Variants in CHKA observed in about 807,000 individuals in gnomAD.
CHKA encodes choline kinase alpha.
Under a neutral mutation model 60.1 loss-of-function variants are expected in CHKA, and 34 were observed. The observed-to-expected ratio is 0.57, with a 90% CI of 0.43 to 0.75. The LOEUF is 0.75. CHKA is among the 30% of genes least tolerant of loss of function. The pLI, the probability that CHKA is intolerant of heterozygous loss-of-function variation, is 0.00. For synonymous variants in CHKA, 217 were observed against 223.1 expected, an observed-to-expected ratio of 0.97 and a Z score of 0.24; for missense variants, 563 against 561.3, an observed-to-expected ratio of 1.00 and a Z score of -0.03.
chr11:68,108,616 C>T (rs367749535), intron 1 of CHKA, among the ~76,000 whole-genome samples: 11 of 152,026 alleles, frequency 7.2e-5, no homozygotes, highest in South Asian at 4.1e-4. Context: ...TGGTGGCGGG[C>T]GCCTGTAGTC....
intron 2 of CHKA, among the ~76,000 whole-genome samples, chr11:68,088,372 T>C (rs1289063844): frequency 3.3e-5 from 5 of 152,158 alleles, no homozygotes; most frequent in Non-Finnish European, 7.4e-5. Context: ...TTCTTTACTG[T>C]GTAGCCTGTG....
intron 1 of CHKA, among the ~76,000 whole-genome samples, chr11:68,117,855 T>C (rs550092327): frequency 6.6e-6 from 1 of 152,260 alleles, no homozygotes; most frequent in African/African-American, 2.4e-5. Context: ...TGTTCTAGTG[T>C]CTAAGCAAGG....
At chr11:68,085,533 T>C (rs1165766836) in intron 2 of CHKA, among the ~76,000 whole-genome samples, 3 of 152,160 alleles carry the variant, frequency 2.0e-5, no homozygotes, top group Non-Finnish European at 4.4e-5. Flanking sequence ...AAAAAGATTT[T>C]TTGATTGGCC....
intron 9 of CHKA, 113 bp downstream of exon 9, chr11:68,065,673 C>T: frequency 1.4e-6 from 1 of 734,438 alleles, no homozygotes; most frequent in Non-Finnish European, 2.3e-6. Context: ...TGCACTCCAG[C>T]CTGGGAAACA....
intron 1 of CHKA, among the ~76,000 whole-genome samples, chr11:68,119,350 G>C (rs1304269418): frequency 6.6e-6 from 1 of 152,196 alleles, no homozygotes; most frequent in Non-Finnish European, 1.5e-5. Flanking sequence ...GCACAGAAAA[G>C]GAATCAAATG....
chr11:68,101,134 G>A (rs1258590209), intron 1 of CHKA, among the ~76,000 whole-genome samples: 2 of 151,702 alleles, frequency 1.3e-5, no homozygotes, highest in Non-Finnish European at 2.9e-5. Context: ...ATTTTTAGTA[G>A]AGACGGGGTT....
chr11:68,070,860 G>A lies in CHKA; in HGVS notation c.631-3C>T. On this transcript the variant is annotated splice_polypyrimidine_tract_variant and splice_region_variant and intron_variant, in intron 4 of 11. Transcript: ENST00000265689. Reference sequence around the variant, plus strand: ...TCTTCAGTATCTAATCGCCGGCTCTGAAAAAGAAAAGGGAGTTAAAAACTG... The same window carrying A: ...TCTTCAGTATCTAATCGCCGGCTCTAAAAAAGAAAAGGGAGTTAAAAACTG... 2 of 1,602,782 alleles carry A rather than the reference G, an allele frequency of 1.2e-6. No homozygotes were observed. The highest frequency in any genetic ancestry group is 1.1e-5 in the South Asian group (1 of 89,968).
chr11:68,070,993 T>C (rs1856600034), intron 4 of CHKA, 136 bp from the exon 5 acceptor site: 2 of 790,792 alleles, frequency 2.5e-6, no homozygotes, highest in South Asian at 3.9e-5. Flanking sequence ...CCCTTAAGAA[T>C]GGACACTGTG....
intron 1 of CHKA, among the ~76,000 whole-genome samples, chr11:68,109,692 C>T (rs1053926746): frequency 6.6e-6 from 1 of 152,192 alleles, no homozygotes; most frequent in Admixed American, 6.5e-5. Context: ...GTGGCTCGTG[C>T]CTGTAGTCCA....
chr11:68,093,463 A>C (rs896880590), intron 2 of CHKA, among the ~76,000 whole-genome samples: 1 of 152,230 alleles, frequency 6.6e-6, no homozygotes, highest in Non-Finnish European at 1.5e-5. Context: ...TTATATGTAA[A>C]ACATACTCCA....
chr11:68,099,821 T>C (rs1414016611), intron 1 of CHKA, among the ~76,000 whole-genome samples: 12 of 152,224 alleles, frequency 7.9e-5, no homozygotes, highest in Admixed American at 7.9e-4. Flanking sequence ...ACAGATGAAG[T>C]ACTGTTCTAA....
At chr11:68,081,831 T>C in intron 2 of CHKA, 1 of 172,488 alleles carries the variant, frequency 5.8e-6, no homozygotes, top group Admixed American at 5.9e-5. Context: ...TTTAGCTACG[T>C]GGTTCTCTCA....
chr11:68,079,330 CTATT>C (rs1028900672), intron 3 of CHKA, among the ~76,000 whole-genome samples: 5 of 151,062 alleles, frequency 3.3e-5, no homozygotes, highest in Non-Finnish European at 7.4e-5. Context: ...AATCTCTGTA[CTATT>C]TTTTTTTTCT....
At chr11:68,065,984 G>C (rs965691944) in intron 8 of CHKA, 90 bp from the exon 9 acceptor site, 16 of 866,514 alleles carry the variant, frequency 1.8e-5, no homozygotes, top group Non-Finnish European at 2.8e-5. Flanking sequence ...GCTGAGTTCC[G>C]AGCACGCCAC....
In CHKA at chr11:68,074,737, G is replaced by A. The variant is rs770887303; in HGVS notation, c.610C>T (p.Arg204Ter). Residue 204 changes from arginine to a stop codon, truncating the protein, a stop_gained, in exon 4 of 12, where the codon CGA becomes TGA. Coordinates refer to ENST00000265689, the MANE Select transcript of CHKA (RefSeq NM_001277.3). LOFTEE classifies it high-confidence loss of function. ...CTTACCGGGATGAACTGCTCCAGTC[G>A]GCCTTGGGGAAAGATGCCATAGAGT... ...PKLYGIFPQGRLEQFIPSRRL... is the reference protein window; with the variant it reads ...PKLYGIFPQG 1.9e-6 allele frequency: 3 copies of A among 1,614,134 alleles called. No homozygotes were observed. Among genetic ancestry groups the A allele is most frequent in the Non-Finnish European group, 1.7e-6 (2 of 1,180,006 alleles).
chr11:68,070,347 C>A, intron 5 of CHKA, 54 bp from the exon 6 acceptor site: 1 of 1,273,044 alleles, frequency 7.9e-7, no homozygotes, highest in Non-Finnish European at 1.1e-6. Context: ...ATCAATTCAC[C>A]AAGGCTTGCT....
intron 3 of CHKA, among the ~76,000 whole-genome samples, chr11:68,078,684 C>T (rs1856869799): frequency 6.6e-6 from 1 of 152,140 alleles, no homozygotes; most frequent in Admixed American, 6.6e-5. Context: ...AAATGCATAA[C>T]CTCAATTGTG....
intron 1 of CHKA, among the ~76,000 whole-genome samples, chr11:68,113,030 C>T (rs1216488144): frequency 8.1e-6 from 1 of 123,276 alleles, no homozygotes; most frequent in Non-Finnish European, 1.6e-5. Context: ...TGCAGTGAGC[C>T]AAGATCGCAC....
At position 68,107,785 on chromosome 11, in the gene CHKA, C is replaced by G. The variant is rs575533137; in HGVS notation, c.351-10655G>C. Among the ~76,000 whole-genome samples, 4 of 152,306 alleles carry G rather than the reference C, an allele frequency of 2.6e-5. No homozygotes were observed. The South Asian group carries it at 8.3e-4, about 32-fold the overall frequency. ...TGCCTACCCTTCCCACCTAGGAGGTCCTTCCACCAGGCATGGTCAGAAGTA... is the reference window on the plus strand; with the variant it reads ...TGCCTACCCTTCCCACCTAGGAGGTGCTTCCACCAGGCATGGTCAGAAGTA... On this transcript the variant is annotated intron_variant, in intron 1 of 11. Coordinates refer to ENST00000265689, the MANE Select transcript of CHKA (RefSeq NM_001277.3).
Sources: gnomAD v4.1 joint callset for allele counts (sites outside exome capture counted in the v4.1 genomes callset) on GRCh38, gnomAD v4.1.1 for gene constraint, MANE v1.5 for transcripts, NCBI Gene and HGNC (gene_info 2026-07-23, HGNC 2026-07-21) for gene names.